Variants in THSD7B observed in about 807,000 individuals in gnomAD.
The protein encoded by THSD7B is thrombospondin type 1 domain containing 7B, also known as thrombospondin type-1 domain-containing protein 7B.
Under a neutral mutation model 213.6 loss-of-function variants are expected in THSD7B, and 138 were observed. That is an observed-to-expected ratio of 0.65 (90% CI 0.56 to 0.74). THSD7B has a LOEUF of 0.74. THSD7B is among the 30% of genes least tolerant of loss of function. The probability of loss-of-function intolerance (pLI) is 0.00; values close to 1 mark genes in which losing one functional copy is unlikely to be tolerated. For synonymous variants in THSD7B, 742 were observed against 687.0 expected, an observed-to-expected ratio of 1.08 and a Z score of -1.25; for missense variants, 1,931 against 1,991.5, an observed-to-expected ratio of 0.97 and a Z score of 0.58.
chr2:137,637,106 A>G (rs1682847625), intron 20 of THSD7B, among the ~76,000 whole-genome samples: 1 of 152,200 alleles, frequency 6.6e-6, no homozygotes, highest in African/African-American at 2.4e-5. Context: ...CATTGCCAAA[A>G]CAATTCCTTC....
intron 12 of THSD7B, among the ~76,000 whole-genome samples, chr2:137,290,078 C>A (rs147049582): frequency 6.6e-6 from 1 of 151,434 alleles, no homozygotes; most frequent in African/African-American, 2.4e-5. Flanking sequence ...CATTTTAAAT[C>A]CAGTAATTAC....
chr2:137,137,376 C>T (rs1176376345), intron 5 of THSD7B, among the ~76,000 whole-genome samples: 1 of 152,160 alleles, frequency 6.6e-6, no homozygotes, highest in Non-Finnish European at 1.5e-5. Context: ...ATAAATGCAT[C>T]ATGTAGTATG....
At chr2:137,398,912 G>T (rs1264122757) in intron 12 of THSD7B, among the ~76,000 whole-genome samples, 1 of 152,186 alleles carries the variant, frequency 6.6e-6, no homozygotes, top group African/African-American at 2.4e-5. Context: ...ATTCGGGTGG[G>T]AGTGACCCGA....
At chr2:137,106,241 A>G (rs1420838774) in intron 4 of THSD7B, among the ~76,000 whole-genome samples, 1 of 152,158 alleles carries the variant, frequency 6.6e-6, no homozygotes, top group Non-Finnish European at 1.5e-5. Flanking sequence ...AAGTAATGCC[A>G]CACATCTACA....
Position 136,819,688 on chromosome 2 carries a change from C to T in THSD7B, c.-36+54001C>T, listed in dbSNP as rs185325596. Among the ~76,000 whole-genome samples, 61 of 147,192 alleles carry T rather than the reference C, an allele frequency of 4.1e-4. No homozygotes were observed. In the East Asian group the frequency reaches 7.4e-3, roughly 18 times the overall value. ...AGGCTCCTGAGGACCTTGCTTATGC[C>T]CCCCCCAGTCCAGCTGAGGCTGAAC... On this transcript the variant is annotated intron_variant, in intron 1 of 27. Coordinates refer to ENST00000409968, the MANE Select transcript of THSD7B (RefSeq NM_001316349.2).
At chr2:137,374,485 C>T (rs1260688999) in intron 12 of THSD7B, among the ~76,000 whole-genome samples, 1 of 152,136 alleles carries the variant, frequency 6.6e-6, no homozygotes, top group Non-Finnish European at 1.5e-5. Flanking sequence ...AAAGTATATT[C>T]GAGTTTCCAC....
intron 1 of THSD7B, among the ~76,000 whole-genome samples, chr2:136,779,435 T>G (rs1015558243): frequency 6.6e-6 from 1 of 152,200 alleles, no homozygotes; most frequent in South Asian, 2.1e-4. Flanking sequence ...TTGTAGCCTT[T>G]CTTTTCTTAT....
intron 12 of THSD7B, among the ~76,000 whole-genome samples, chr2:137,344,578 C>T (rs1164568478): frequency 6.6e-6 from 1 of 151,582 alleles, no homozygotes; most frequent in Non-Finnish European, 1.5e-5. Flanking sequence ...TTCTCCCATC[C>T]ACGGGAGGAA....
chr2:137,471,171 T>C (rs1293029821), intron 15 of THSD7B, among the ~76,000 whole-genome samples: 2 of 152,092 alleles, frequency 1.3e-5, no homozygotes, highest in Admixed American at 6.5e-5. Flanking sequence ...TCCACCAGCC[T>C]CGGCCCCCCA....
intron 5 of THSD7B, among the ~76,000 whole-genome samples, chr2:137,131,214 TTTGATGGGG>T (rs1288021630): frequency 1.3e-5 from 2 of 149,392 alleles, no homozygotes; most frequent in East Asian, 3.9e-4. Context: ...TCACCCACTT[TTTGATGGGG>T]TTGTTTGTTT....
intron 15 of THSD7B, chr2:137,512,267 C>T (rs1056518320): frequency 6.6e-6 from 1 of 151,348 alleles, no homozygotes; most frequent in Non-Finnish European, 1.5e-5. Flanking sequence ...TCTATCAAGG[C>T]ATTATTCAAA....
chr2:137,254,345 T>G (rs1415359011), intron 10 of THSD7B, among the ~76,000 whole-genome samples: 2 of 152,218 alleles, frequency 1.3e-5, no homozygotes, highest in Non-Finnish European at 2.9e-5. Context: ...TTTGAGACCT[T>G]ATGGATAACC....
intron 1 of THSD7B, among the ~76,000 whole-genome samples, chr2:136,819,437 C>T (rs967946403): frequency 6.6e-6 from 1 of 152,060 alleles, no homozygotes; most frequent in African/African-American, 2.4e-5. Context: ...ATCCAAACAC[C>T]CTCCCCCTTC....
At chr2:137,478,451 G>A (rs1441761435) in intron 15 of THSD7B, among the ~76,000 whole-genome samples, 1 of 151,812 alleles carries the variant, frequency 6.6e-6, no homozygotes, top group Non-Finnish European at 1.5e-5. Flanking sequence ...TCCACCTCTG[G>A]TAAATTTCTC....
chr2:137,385,698 C>A (rs1357760322), intron 12 of THSD7B, among the ~76,000 whole-genome samples: 3 of 152,162 alleles, frequency 2.0e-5, no homozygotes, highest in Non-Finnish European at 4.4e-5. Context: ...GCAAAAAAGT[C>A]TCTTCTGGAA....
In THSD7B at chr2:137,058,105, A is replaced by G. The variant is rs1031458399; in HGVS notation, c.950+875A>G. 7.2e-5 allele frequency among the ~76,000 whole-genome samples: 11 copies of G among 152,218 alleles called. 1 individual carries two copies. The highest frequency in any genetic ancestry group is 2.4e-4 in the African/African-American group (10 of 41,450). On this transcript the variant is annotated intron_variant, in intron 3 of 27. Transcript: ENST00000409968. ...ATCAGTTGCTGCCTTCTTGGGATCC[A>G]CAGCTGACCAGGAGATGCCCAGAAG...
rs1217392007 is a variant in THSD7B, at chr2:136,890,516, CT to C, written c.139+8202del. Among the ~76,000 whole-genome samples, 6 of 54,872 alleles carry C rather than the reference CT, an allele frequency of 1.1e-4. 1 individual carries two copies. The highest frequency in any genetic ancestry group is 4.6e-4 in the African/African-American group (6 of 12,918). The allele number at this position is 54,872 out of a possible 152,430, so 36.0% of individuals were successfully genotyped here. A position where few individuals can be genotyped will look rare whatever the true frequency, so the allele number is the denominator to read the frequency against. On this transcript the variant is annotated intron_variant, in intron 2 of 27. Transcript: ENST00000409968. ...TCCTTTCTTCTCCTTTCTTCTTCTTCTTTCTTCTTCTTCTTCTTCTTCTTCT... is the reference window on the plus strand; with the variant it reads ...TCCTTTCTTCTCCTTTCTTCTTCTTCTTCTTCTTCTTCTTCTTCTTCTTCT...
At chr2:136,766,414 G>T (rs181731770) in intron 1 of THSD7B, among the ~76,000 whole-genome samples, 2 of 151,974 alleles carry the variant, frequency 1.3e-5, no homozygotes. Context: ...GGGGCAGGGA[G>T]GGGGGGACAG....
intron 12 of THSD7B, among the ~76,000 whole-genome samples, chr2:137,371,328 C>T (rs1288555773): frequency 2.0e-5 from 3 of 152,020 alleles, no homozygotes; most frequent in African/African-American, 4.8e-5. Context: ...ATTTTTATTC[C>T]GTTCTCACAC....
Sources: allele counts gnomAD v4.1 joint callset (sites outside exome capture counted in the v4.1 genomes callset), GRCh38; gene constraint gnomAD v4.1.1; transcripts MANE v1.5; gene names NCBI Gene and HGNC (gene_info 2026-07-23, HGNC 2026-07-21).